ZNF740: variants seen among roughly 807,000 people sequenced by gnomAD.
ZNF740 encodes oriLyt TD-element-binding protein 7.
A neutral mutation model predicts 24.8 loss-of-function variants in ZNF740; 14 were observed. That is an observed-to-expected ratio of 0.56 (90% CI 0.37 to 0.88). The LOEUF (loss-of-function observed/expected upper bound fraction) is 0.88, where lower values mean the gene tolerates loss of function less well. Among genes scored for constraint, ZNF740 ranks in the 40% least tolerant of loss-of-function variants. The pLI, the probability that ZNF740 is intolerant of heterozygous loss-of-function variation, is 0.00. For missense variants in ZNF740, 201 were observed against 247.9 expected, an observed-to-expected ratio of 0.81 and a Z score of 1.27; for synonymous variants, 69 against 84.0, an observed-to-expected ratio of 0.82 and a Z score of 0.98.
intron 6 of ZNF740, among the ~76,000 whole-genome samples, chr12:53,187,210 CTG>C (rs1941840713): frequency 6.6e-6 from 1 of 152,208 alleles, no homozygotes; most frequent in Non-Finnish European, 1.5e-5. Context: ...AGCAGCTGTG[CTG>C]TGAGTAGGTA....
intron 2 of ZNF740, among the ~76,000 whole-genome samples, chr12:53,184,446 A>G (rs923824103): frequency 6.6e-6 from 1 of 152,016 alleles, no homozygotes; most frequent in South Asian, 2.1e-4. Flanking sequence ...TCATTCTCCC[A>G]AAGTGCTGGG....
intron 1 of ZNF740, 31 bp downstream of exon 1, chr12:53,180,868 G>T (rs1032383907): frequency 8.0e-7 from 1 of 1,245,784 alleles, no homozygotes; most frequent in Non-Finnish European, 1.0e-6. Flanking sequence ...CCGCAGCGTC[G>T]TCCGTACAGA....
chr12:53,182,161 C>T lies in ZNF740; in HGVS notation c.9+169C>T, dbSNP rs990332293. 2.8e-5 allele frequency: 25 copies of T among 882,286 alleles called. No individual in the cohort carries two copies. The African/African-American group carries it at 4.2e-4, about 15-fold the overall frequency. 54.7% of individuals were successfully genotyped at this position (882,286 alleles called of 1,614,324 possible). On this transcript the variant is annotated intron_variant, in intron 2 of 6. Coordinates refer to ENST00000416904, the MANE Select transcript of ZNF740 (RefSeq NM_001004304.4). ...AAAGGAGACAGGCCACAGCCCCTGCCTTCAGGGAGCTTCCAGTCAAATGAA... is the reference window on the plus strand; with the variant it reads ...AAAGGAGACAGGCCACAGCCCCTGCTTTCAGGGAGCTTCCAGTCAAATGAA...
rs146185756 is a variant in ZNF740 at position 53,194,168 on chromosome 12, C to T, written c.*6578C>T. The T allele has an allele frequency of 0.014, 23,093 of 1,613,022 alleles. 217 individuals carry two copies. The highest frequency in any genetic ancestry group is 0.016 in the Non-Finnish European group (18,459 of 1,179,160). On this transcript the variant is annotated 3_prime_UTR_variant, in exon 7 of 7. Transcript: ENST00000416904. ...TTTCCCACTCCCACCTCCCCCTGCC[C>T]GCCTTCTGCCTGTGCTTGCTGGCTC...
At chr12:53,184,659 GATT>G (rs1250197840) in intron 2 of ZNF740, among the ~76,000 whole-genome samples, 1 of 152,218 alleles carries the variant, frequency 6.6e-6, no homozygotes, top group African/African-American at 2.4e-5. Context: ...AGTAATACTT[GATT>G]ATTTACTTGA....
rs1941853329 is a variant in ZNF740 at position 53,187,846 on chromosome 12, T to G, written c.*256T>G. The G allele has an allele frequency of 2.0e-6, 1 of 488,808 alleles. No homozygotes were observed. The highest frequency in any genetic ancestry group is 3.7e-6 in the Non-Finnish European group (1 of 267,042). 30.3% of individuals were successfully genotyped at this position (488,808 alleles called of 1,614,324 possible). A position where few individuals can be genotyped will look rare whatever the true frequency, so the allele number is the denominator to read the frequency against. On this transcript the variant is annotated 3_prime_UTR_variant, in exon 7 of 7. Coordinates refer to ENST00000416904, the MANE Select transcript of ZNF740 (RefSeq NM_001004304.4). Reference sequence around the variant, plus strand: ...GGGAGCTAGTCCCTGGACCCTTGGCTGAGGTCATAGGTGGGGACTCAAGGT... The same window carrying G: ...GGGAGCTAGTCCCTGGACCCTTGGCGGAGGTCATAGGTGGGGACTCAAGGT...
intron 2 of ZNF740, among the ~76,000 whole-genome samples, chr12:53,184,195 G>GTA (rs1941776472): frequency 2.0e-5 from 3 of 148,838 alleles, no homozygotes; most frequent in Non-Finnish European, 4.4e-5. Context: ...GTGTGTGTGT[G>GTA]TGTGTGAGTG....
At position 53,193,782 on chromosome 12, in the gene ZNF740, A is replaced by G. The variant is rs1942057677; in HGVS notation, c.*6192A>G. ...CCTGGGGCTGGGTGTCACTGCAATTACAGTCACACAGCGTGTGCAACTCCA... is the reference window on the plus strand; with the variant it reads ...CCTGGGGCTGGGTGTCACTGCAATTGCAGTCACACAGCGTGTGCAACTCCA... On this transcript the variant is annotated 3_prime_UTR_variant, in exon 7 of 7. Coordinates refer to ENST00000416904, the MANE Select transcript of ZNF740 (RefSeq NM_001004304.4). 2 of 1,613,852 alleles carry G rather than the reference A, an allele frequency of 1.2e-6. No individual in the cohort carries two copies. The highest frequency in any genetic ancestry group is 2.7e-5 in the African/African-American group (2 of 74,864).
At chr12:53,185,550 A>G (rs1007849936) in intron 4 of ZNF740, 74 bp downstream of exon 4, 202 of 1,392,334 alleles carry the variant, frequency 1.5e-4, no homozygotes, top group Middle Eastern at 4.8e-4. Flanking sequence ...TCCCTCTACC[A>G]TGTAACCTGG....
Position 53,188,910 on chromosome 12 carries a change from G to A in ZNF740, c.*1320G>A, listed in dbSNP as rs1941876108. ...CGGGTGTGTGTGTGTGTGTGAGAGA[G>A]AGTGTGTGTGAGATATGAATGCATG... is the stretch of plus-strand genomic sequence containing the variant. On this transcript the variant is annotated 3_prime_UTR_variant, in exon 7 of 7. Coordinates refer to ENST00000416904, the MANE Select transcript of ZNF740 (RefSeq NM_001004304.4). 6.6e-6 allele frequency: 1 copy of A among 152,204 alleles called. No homozygotes were observed. The highest frequency in any genetic ancestry group is 2.1e-4 in the South Asian group (1 of 4,834). 9.4% of individuals were successfully genotyped at this position (152,204 alleles called of 1,614,324 possible). A position where few individuals can be genotyped will look rare whatever the true frequency, so the allele number is the denominator to read the frequency against.
chr12:53,192,388 G>T lies in ZNF740; in HGVS notation c.*4798G>T. 1 of 1,614,144 alleles carries T rather than the reference G, an allele frequency of 6.2e-7. No homozygotes were observed. The highest frequency in any genetic ancestry group is 8.5e-7 in the Non-Finnish European group (1 of 1,180,026). ...CTCTGGCGTCATCCTCCACCAAGAA[G>T]AAGAACAGCTGGTTGTCCAGGGTCC... is the stretch of plus-strand genomic sequence containing the variant. On this transcript the variant is annotated 3_prime_UTR_variant, in exon 7 of 7. Coordinates refer to ENST00000416904, the MANE Select transcript of ZNF740 (RefSeq NM_001004304.4).
intron 1 of ZNF740, chr12:53,181,384 G>A (rs1201744082): frequency 1.0e-6 from 1 of 985,312 alleles, no homozygotes; most frequent in Admixed American, 6.1e-5. Flanking sequence ...GGGCACAAAA[G>A]CCCCAAAGGG....
At chr12:53,183,121 TTTC>T (rs1481181277) in intron 2 of ZNF740, among the ~76,000 whole-genome samples, 3 of 152,262 alleles carry the variant, frequency 2.0e-5, no homozygotes, top group Non-Finnish European at 4.4e-5. Context: ...AGCCTGTCAG[TTTC>T]TTCTTCCTTT....
intron 2 of ZNF740, among the ~76,000 whole-genome samples, chr12:53,184,148 T>TGCGC (rs1191495650): frequency 2.6e-4 from 26 of 100,392 alleles, no homozygotes; most frequent in South Asian, 6.2e-4. Context: ...TGTGTGTGTG[T>TGCGC]GTGCGCGCGC....
In ZNF740 at chr12:53,193,987, T is replaced by G; in HGVS notation, c.*6397T>G. The G allele has an allele frequency of 1.4e-6, 2 of 1,391,832 alleles. No homozygotes were observed. The highest frequency in any genetic ancestry group is 2.0e-6 in the Non-Finnish European group (2 of 1,012,496). 86.2% of individuals were successfully genotyped at this position (1,391,832 alleles called of 1,614,324 possible). A position where few individuals can be genotyped will look rare whatever the true frequency, so the allele number is the denominator to read the frequency against. ...CACCAATCATCCAGAACCTCACCCC[T>G]TAGTAAATGAAGGGATGGGGTCATG... On this transcript the variant is annotated 3_prime_UTR_variant, in exon 7 of 7. Transcript: ENST00000416904.
rs1941855845 is a variant in ZNF740, at chr12:53,187,928, A to G, written c.*338A>G. ...ACCTTGGACTCCAGCTGGCAGCTGAAATGGAAAAGATTGGGGAAGGGGATT... is the reference window on the plus strand; with the variant it reads ...ACCTTGGACTCCAGCTGGCAGCTGAGATGGAAAAGATTGGGGAAGGGGATT... On this transcript the variant is annotated 3_prime_UTR_variant, in exon 7 of 7. Transcript: ENST00000416904. 2 of 279,652 alleles carry G rather than the reference A, an allele frequency of 7.2e-6. No homozygotes were observed. Among genetic ancestry groups the G allele is most frequent in the African/African-American group, 4.3e-5 (2 of 46,534 alleles). The allele number at this position is 279,652 out of a possible 1,614,324, so 17.3% of individuals were successfully genotyped here. A position where few individuals can be genotyped will look rare whatever the true frequency, so the allele number is the denominator to read the frequency against.
At position 53,191,105 on chromosome 12, in the gene ZNF740, C is replaced by A. The variant is rs931703346; in HGVS notation, c.*3515C>A. 5 of 207,198 alleles carry A rather than the reference C, an allele frequency of 2.4e-5. No individual in the cohort carries two copies. The highest frequency in any genetic ancestry group is 9.1e-5 in the African/African-American group (4 of 44,028). 12.8% of individuals were successfully genotyped at this position (207,198 alleles called of 1,614,324 possible). A position where few individuals can be genotyped will look rare whatever the true frequency, so the allele number is the denominator to read the frequency against. ...CAGATGCAGTGTCTCTGACCTGGGA[C>A]CCCCCTGCATCCGCAGCACTTGAGA... On this transcript the variant is annotated 3_prime_UTR_variant, in exon 7 of 7. Transcript: ENST00000416904.
At chr12:53,182,393 G>T (rs941032740) in intron 2 of ZNF740, among the ~76,000 whole-genome samples, 1 of 152,162 alleles carries the variant, frequency 6.6e-6, no homozygotes, top group Non-Finnish European at 1.5e-5. Context: ...GAATACGATT[G>T]TCCTTGTCCC....
intron 6 of ZNF740, 78 bp from the exon 7 acceptor site, chr12:53,187,423 C>A: frequency 8.4e-7 from 1 of 1,183,712 alleles, no homozygotes; most frequent in Non-Finnish European, 1.2e-6. Context: ...TGGTATCTGC[C>A]TCCTGTGAGA....
Sources: allele counts gnomAD v4.1 joint callset (sites outside exome capture counted in the v4.1 genomes callset), GRCh38; gene constraint gnomAD v4.1.1; transcripts MANE v1.5; gene names NCBI Gene and HGNC (gene_info 2026-07-23, HGNC 2026-07-21).